The following STS variants were observed in gnomAD, a reference collection of about 807,000 sequenced individuals.
STS encodes steryl-sulfatase.
STS carries 7 observed loss-of-function variants against 26.8 expected under a neutral mutation model. The observed-to-expected ratio is 0.26, with a 90% CI of 0.15 to 0.49. STS has a LOEUF of 0.49. Among genes scored for constraint, STS ranks in the 20% least tolerant of loss-of-function variants. The pLI, the probability that STS is intolerant of heterozygous loss-of-function variation, is 0.98. For synonymous variants in STS, 199 were observed against 189.4 expected (o/e 1.05, Z -0.42); for missense variants, 434 against 465.6 (o/e 0.93, Z 0.63).
At chrX:7,326,321 T>C in intron 9 of STS, among the ~76,000 whole-genome samples, 1 of 112,164 alleles carries the variant, frequency 8.9e-6, no homozygotes, top group South Asian at 3.7e-4. Context: ...TGAAGGTTTT[T>C]AGTGACCAGG....
chrX:7,350,284 C>T lies in STS; in HGVS notation c.*23C>T, dbSNP rs758245690. The T allele has an allele frequency of 6.7e-6, 8 of 1,197,544 alleles. No individual in the cohort carries two copies. In the African/African-American group the frequency reaches 7.0e-5, roughly 10 times the overall value. On this transcript the variant is annotated 3_prime_UTR_variant, in exon 11 of 11. Coordinates refer to ENST00000674429, the MANE Select transcript of STS (RefSeq NM_001320752.2). ...TAGCAGCGCCTGGGGACCAGACAGA[C>T]GCATGTGGCAAAGCTCACCATCTTC...
intron 2 of STS, among the ~76,000 whole-genome samples, chrX:7,250,278 C>T (rs1242824342): frequency 3.6e-5 from 4 of 109,983 alleles, no homozygotes; most frequent in Non-Finnish European, 1.9e-5. Flanking sequence ...AATTGGGATA[C>T]ATGATTTGCA....
intron 8 of STS, among the ~76,000 whole-genome samples, chrX:7,324,584 C>G (rs1298294585): frequency 9.0e-6 from 1 of 111,251 alleles, no homozygotes; most frequent in Non-Finnish European, 1.9e-5. Context: ...GTGTTGGTAT[C>G]TTATGGCTAC....
chrX:7,296,090 T>C (rs1925648791), intron 7 of STS, among the ~76,000 whole-genome samples: 1 of 111,756 alleles, frequency 8.9e-6, no homozygotes, highest in Non-Finnish European at 1.9e-5. Context: ...CTGGCCATTC[T>C]CGACTCACAG....
chrX:7,331,261 C>G (rs1417590214), intron 9 of STS, among the ~76,000 whole-genome samples: 2 of 111,272 alleles, frequency 1.8e-5, no homozygotes. Flanking sequence ...TAAAAATTGT[C>G]TGTATGGTAT....
chrX:7,204,761 C>G (rs1304530540), intron 2 of STS, among the ~76,000 whole-genome samples: 4 of 103,026 alleles, frequency 3.9e-5, no homozygotes, highest in East Asian at 3.1e-4. Context: ...TTCCCTCTCT[C>G]TCCCTCCTTT....
At chrX:7,214,915 A>ATG (rs1241188588) in intron 2 of STS, among the ~76,000 whole-genome samples, 3 of 99,961 alleles carry the variant, frequency 3.0e-5, no homozygotes, top group Non-Finnish European at 6.0e-5. Context: ...CATCATATAT[A>ATG]TATATGTGTG....
chrX:7,253,505 G>A (rs979312476), intron 3 of STS, among the ~76,000 whole-genome samples, 169 bp downstream of exon 3: 23 of 112,096 alleles, frequency 2.1e-4, no homozygotes, highest in African/African-American at 7.5e-4. Flanking sequence ...ATGAAGGCAG[G>A]TGTGAGTTTA....
At chrX:7,183,296 G>T (rs1234851671) in intron 1 of STS, among the ~76,000 whole-genome samples, 2 of 111,752 alleles carry the variant, frequency 1.8e-5, no homozygotes, top group African/African-American at 6.5e-5. Context: ...AATAAATCCA[G>T]CAAATGTTTA....
chrX:7,306,193 A>G (rs747421999), intron 8 of STS, among the ~76,000 whole-genome samples: 20 of 111,362 alleles, frequency 1.8e-4, no homozygotes, highest in East Asian at 2.9e-4. Flanking sequence ...GTACTTATAC[A>G]TAGCTAATAT....
chrX:7,324,891 T>G (rs1301519690), intron 8 of STS, among the ~76,000 whole-genome samples: 2 of 111,871 alleles, frequency 1.8e-5, no homozygotes, highest in Non-Finnish European at 3.8e-5. Context: ...GTCACATGTT[T>G]AAAGTCCCTT....
intron 2 of STS, among the ~76,000 whole-genome samples, chrX:7,251,117 G>A (rs1166503005): frequency 8.9e-6 from 1 of 111,779 alleles, no homozygotes; most frequent in African/African-American, 3.3e-5. Context: ...TCTTTAGGAG[G>A]GGTGCAAGCT....
Position 7,147,867 on chromosome X carries a change from C to T in STS, c.-350C>T, listed in dbSNP as rs1388250536. 9.8e-6 allele frequency: 2 copies of T among 203,546 alleles called. No homozygotes were observed. The highest frequency in any genetic ancestry group is 1.8e-5 in the Non-Finnish European group (2 of 108,220). 16.8% of individuals were successfully genotyped at this position (203,546 alleles called of 1,213,427 possible). A position where few individuals can be genotyped will look rare whatever the true frequency, so the allele number is the denominator to read the frequency against. ...GCGCGCCCGCCAGCCCGGACATGGG[C>T]CCGCGGGCGCTCCTGGCCGCCGCCC... On this transcript the variant is annotated 5_prime_UTR_variant, in exon 1 of 11. Transcript: ENST00000674429.
intron 2 of STS, among the ~76,000 whole-genome samples, chrX:7,244,649 A>G (rs1257389085): frequency 2.7e-5 from 3 of 111,404 alleles, no homozygotes. Context: ...GTTATTTCAC[A>G]ACTAGGGGAG....
At chrX:7,324,057 G>C (rs774038099) in intron 8 of STS, among the ~76,000 whole-genome samples, 1 of 111,179 alleles carries the variant, frequency 9.0e-6, no homozygotes, top group Non-Finnish European at 1.9e-5. Flanking sequence ...ATGTACCTAA[G>C]TTGTTCTGGC....
intron 8 of STS, among the ~76,000 whole-genome samples, chrX:7,313,223 C>G (rs1386362753): frequency 1.8e-5 from 2 of 112,050 alleles, no homozygotes; most frequent in East Asian, 5.6e-4. Flanking sequence ...AGAATATATA[C>G]TTTTTTTTCA....
At chrX:7,323,646 C>A (rs1371795593) in intron 8 of STS, among the ~76,000 whole-genome samples, 1 of 111,892 alleles carries the variant, frequency 8.9e-6, no homozygotes, top group Non-Finnish European at 1.9e-5. Context: ...GGATTAATTT[C>A]ATGTCTGCTA....
chrX:7,192,720 T>C (rs1485718705), intron 2 of STS, among the ~76,000 whole-genome samples: 1 of 112,210 alleles, frequency 8.9e-6, no homozygotes, highest in Non-Finnish European at 1.9e-5. Context: ...ATTTAATGAT[T>C]TTCAGAAGGC....
chrX:7,293,094 G>A (rs779503772), intron 7 of STS, among the ~76,000 whole-genome samples: 1 of 111,569 alleles, frequency 9.0e-6, no homozygotes, highest in African/African-American at 3.3e-5. Flanking sequence ...GACTTTCTAG[G>A]TGACTGCTGT....
Sources: gnomAD v4.1 joint callset for allele counts (sites outside exome capture counted in the v4.1 genomes callset) on GRCh38, gnomAD v4.1.1 for gene constraint, MANE v1.5 for transcripts, NCBI Gene and HGNC (gene_info 2026-07-23, HGNC 2026-07-21) for gene names.